PDSS1: variants seen among roughly 807,000 people sequenced by gnomAD.
PDSS1 encodes the protein decaprenyl diphosphate synthase subunit 1, also known as all trans-polyprenyl-diphosphate synthase PDSS1.
In PDSS1, 43 loss-of-function variants were observed where a neutral mutation model predicts 57.5. That is an observed-to-expected ratio of 0.75 (90% CI 0.59 to 0.96). PDSS1 has a LOEUF of 0.96. Ranked by LOEUF, PDSS1 falls within the 50% of genes least tolerant of loss-of-function variation. The pLI, the probability that PDSS1 is intolerant of heterozygous loss-of-function variation, is 0.00. For synonymous variants in PDSS1, 175 were observed against 191.3 expected (o/e 0.91, Z 0.70); for missense variants, 438 against 527.8 (o/e 0.83, Z 1.67).
At chr10:26,703,893 AAC>A (rs1835122259) in intron 2 of PDSS1, among the ~76,000 whole-genome samples, 1 of 151,910 alleles carries the variant, frequency 6.6e-6, no homozygotes, top group South Asian at 2.1e-4. Flanking sequence ...CATCCTGGCT[AAC>A]ACGGTGAAAC....
intron 2 of PDSS1, among the ~76,000 whole-genome samples, chr10:26,704,112 A>G (rs1835136866): frequency 6.7e-6 from 1 of 150,246 alleles, no homozygotes. Flanking sequence ...ATATGGCTAG[A>G]GCAATACATG....
chr10:26,697,959 GCTCCGGGGTAGCTCCGGGGTGGGA>G (rs1462016586), intron 1 of PDSS1, 119 bp downstream of exon 1: 4 of 960,812 alleles, frequency 4.2e-6, no homozygotes, highest in African/African-American at 1.7e-5. Context: ...GCGCGGGGTA[GCTCCGGGGTAGCTCCGGGGTGGGA>G]CTCCGGAGCT....
chr10:26,701,807 C>T (rs1835058688), intron 1 of PDSS1: 1 of 454,036 alleles, frequency 2.2e-6, no homozygotes, highest in South Asian at 1.6e-5. Context: ...TGCTCTAGAC[C>T]CCAGAATGGT....
chr10:26,704,276 C>G (rs1219759965), intron 2 of PDSS1, among the ~76,000 whole-genome samples: 1 of 151,928 alleles, frequency 6.6e-6, no homozygotes, highest in Admixed American at 6.6e-5. Context: ...TTGAGGAACA[C>G]GAACTTAAAA....
chr10:26,710,258 T>C lies in PDSS1; in HGVS notation c.467+490T>C, dbSNP rs1835380205. ...AGGAATCTAGTCTGGCATCTTTTTTTTTTTTGAGACGGAGTCTTGCTCTGT... is the reference window on the plus strand; with the variant it reads ...AGGAATCTAGTCTGGCATCTTTTTTCTTTTTGAGACGGAGTCTTGCTCTGT... On this transcript the variant is annotated intron_variant, in intron 5 of 11. Transcript: ENST00000376215. Among the ~76,000 whole-genome samples, 6 of 91,774 alleles carry C rather than the reference T, an allele frequency of 6.5e-5. 1 individual carries two copies. The South Asian group carries it at 1.8e-3, about 27-fold the overall frequency. 60.2% of individuals were successfully genotyped at this position (91,774 alleles called of 152,430 possible).
At chr10:26,708,270 C>T (rs1178958002) in intron 4 of PDSS1, among the ~76,000 whole-genome samples, 2 of 152,212 alleles carry the variant, frequency 1.3e-5, no homozygotes, top group African/African-American at 2.4e-5. Context: ...TTCATTGACT[C>T]CCACTGCATC....
intron 8 of PDSS1, chr10:26,734,570 G>C (rs1232176280): frequency 7.4e-6 from 3 of 407,952 alleles, no homozygotes; most frequent in African/African-American, 2.1e-5. Context: ...GAGGGAAAAG[G>C]GTTTTTATAC....
intron 4 of PDSS1, among the ~76,000 whole-genome samples, chr10:26,706,650 C>G (rs1366747129): frequency 6.6e-6 from 1 of 152,190 alleles, no homozygotes; most frequent in East Asian, 1.9e-4. Context: ...GCTTCACTCC[C>G]TCCCTTCCCT....
intron 8 of PDSS1, among the ~76,000 whole-genome samples, chr10:26,733,235 C>T (rs978055021): frequency 6.6e-6 from 1 of 152,028 alleles, no homozygotes; most frequent in Non-Finnish European, 1.5e-5. Flanking sequence ...ATCTTGATTC[C>T]CAGTATCATT....
chr10:26,704,620 A>G (rs993502374), intron 2 of PDSS1, 57 bp from the exon 3 acceptor site: 29 of 808,010 alleles, frequency 3.6e-5, no homozygotes, highest in Non-Finnish European at 4.9e-5. Context: ...TTTATCATCC[A>G]ATGTTACAGT....
intron 5 of PDSS1, among the ~76,000 whole-genome samples, chr10:26,719,508 G>C (rs192506568): frequency 2.6e-5 from 4 of 152,180 alleles, no homozygotes; most frequent in African/African-American, 9.7e-5. Flanking sequence ...GGTGGCTTAC[G>C]CCTGTAATCC....
chr10:26,730,219 A>G (rs1588697677), intron 8 of PDSS1, among the ~76,000 whole-genome samples: 1 of 151,636 alleles, frequency 6.6e-6, no homozygotes, highest in South Asian at 2.1e-4. Context: ...GCCTAGTTGG[A>G]TTCATTTTTA....
At chr10:26,744,140 A>G (rs1282998125) in intron 11 of PDSS1, among the ~76,000 whole-genome samples, 1 of 152,214 alleles carries the variant, frequency 6.6e-6, no homozygotes, top group Non-Finnish European at 1.5e-5. Context: ...CCATCATGTA[A>G]CAAGTATTTC....
At chr10:26,742,452 G>A (rs1184421115) in intron 10 of PDSS1, 45 bp from the exon 11 acceptor site, 3 of 1,383,392 alleles carry the variant, frequency 2.2e-6, no homozygotes, top group South Asian at 2.3e-5. Flanking sequence ...TTTCTCCCAA[G>A]AGAAATAAAT....
chr10:26,722,673 A>G (rs958725435), intron 6 of PDSS1, among the ~76,000 whole-genome samples: 25 of 151,824 alleles, frequency 1.6e-4, no homozygotes, highest in Non-Finnish European at 2.5e-4. Context: ...CACTGTACTC[A>G]AGCCTGGGCA....
intron 7 of PDSS1, 33 bp from the exon 8 acceptor site, chr10:26,723,981 C>T (rs753950618): frequency 1.8e-5 from 29 of 1,590,992 alleles, no homozygotes; most frequent in Non-Finnish European, 2.2e-5. Context: ...GCAATAAAGC[C>T]ACCTCTCAAA....
intron 8 of PDSS1, among the ~76,000 whole-genome samples, chr10:26,729,915 T>G (rs1054212310): frequency 4.1e-4 from 38 of 93,494 alleles, no homozygotes; most frequent in African/African-American, 1.6e-3. Flanking sequence ...TTTTTTTTTT[T>G]TTTTTTTTTT....
At chr10:26,698,837 G>T (rs1834958351) in intron 1 of PDSS1, among the ~76,000 whole-genome samples, 1 of 152,132 alleles carries the variant, frequency 6.6e-6, no homozygotes, top group South Asian at 2.1e-4. Flanking sequence ...CCAAAACAAG[G>T]CTTGGGCCAG....
chr10:26,726,530 A>C (rs946947001), intron 8 of PDSS1, among the ~76,000 whole-genome samples: 5 of 152,240 alleles, frequency 3.3e-5, no homozygotes, highest in African/African-American at 1.2e-4. Context: ...AAATGCATGC[A>C]AAGCAAATTA....
Sources: allele counts gnomAD v4.1 joint callset (sites outside exome capture counted in the v4.1 genomes callset), GRCh38; gene constraint gnomAD v4.1.1; transcripts MANE v1.5; gene names NCBI Gene and HGNC (gene_info 2026-07-23, HGNC 2026-07-21).